ATG2B: variants seen among roughly 807,000 people sequenced by gnomAD.
ATG2B encodes autophagy-related protein 2 homolog B.
A neutral mutation model predicts 241.3 loss-of-function variants in ATG2B; 121 were observed. The ratio of observed to expected loss-of-function variants is 0.50; its 90% CI spans 0.43 to 0.58. The LOEUF (loss-of-function observed/expected upper bound fraction) is 0.58. ATG2B is among the 20% of genes least tolerant of loss of function. The probability of loss-of-function intolerance (pLI) is 0.00; values close to 1 mark genes in which losing one functional copy is unlikely to be tolerated. For missense variants in ATG2B, 2,306 were observed against 2,491.6 expected, an observed-to-expected ratio of 0.93 and a Z score of 1.59; for synonymous variants, 858 against 876.6, an observed-to-expected ratio of 0.98 and a Z score of 0.37.
At chr14:96,348,630 C>A (rs539775679) in intron 1 of ATG2B, among the ~76,000 whole-genome samples, 13 of 151,204 alleles carry the variant, frequency 8.6e-5, no homozygotes, top group Admixed American at 8.6e-4. Context: ...CTGCAGTGAG[C>A]CACTGCACTC....
chr14:96,313,673 T>G (rs1239073793), intron 23 of ATG2B, among the ~76,000 whole-genome samples: 2 of 142,704 alleles, frequency 1.4e-5, no homozygotes, highest in Non-Finnish European at 1.6e-5. Flanking sequence ...ATAGGCATTT[T>G]ACTATGCATA....
chr14:96,349,888 G>T (rs1888268320), intron 1 of ATG2B, among the ~76,000 whole-genome samples: 1 of 152,172 alleles, frequency 6.6e-6, no homozygotes, highest in African/African-American at 2.4e-5. Context: ...GGTCAGGTAT[G>T]GTGACTCACG....
intron 31 of ATG2B, 121 bp downstream of exon 31, chr14:96,305,468 A>C: frequency 1.6e-6 from 1 of 628,256 alleles, no homozygotes; most frequent in East Asian, 2.9e-5. Context: ...TTTATTAATA[A>C]TTCTTAAAAT....
At chr14:96,320,921 TG>T (rs1353142584) in intron 18 of ATG2B, among the ~76,000 whole-genome samples, 4 of 152,126 alleles carry the variant, frequency 2.6e-5, no homozygotes. Flanking sequence ...AAAACCAATT[TG>T]AAACCTCTCT....
Position 96,331,366 on chromosome 14 carries a change from G to T in ATG2B, c.1730+10C>A. ...TTTAAAGGATCATTAATACATATGTGAGAGTTTACCTAAGGTGATCGTGTG... is the reference window on the plus strand; with the variant it reads ...TTTAAAGGATCATTAATACATATGTTAGAGTTTACCTAAGGTGATCGTGTG... On this transcript the variant is annotated intron_variant, in intron 11 of 41. Transcript: ENST00000359933. 1.9e-6 allele frequency: 3 copies of T among 1,603,418 alleles called. No homozygotes were observed. The highest frequency in any genetic ancestry group is 2.6e-6 in the Non-Finnish European group (3 of 1,175,904).
In ATG2B at chr14:96,288,184, C is replaced by T. The variant is rs554869703; in HGVS notation, c.6006+1472G>A. On this transcript the variant is annotated intron_variant, in intron 41 of 41. Transcript: ENST00000359933. ...AAATACCCAGTTCCAATCCTGGCTC[C>T]ACTCCCTTTTCTCTGTGGTACTTGG... 7.2e-5 allele frequency among the ~76,000 whole-genome samples: 11 copies of T among 152,252 alleles called. No homozygotes were observed. The South Asian group carries it at 1.2e-3, about 17-fold the overall frequency.
rs1886412343 is a variant in ATG2B at position 96,289,039 on chromosome 14, C to G, written c.6006+617G>C. The stretch of plus-strand genomic sequence containing the variant: ...ATAAATAAATTATGATATATTCATA[C>G]AGTGAAATACCATAAAACTGTGGAA... On this transcript the variant is annotated intron_variant, in intron 41 of 41. Coordinates refer to ENST00000359933, the MANE Select transcript of ATG2B (RefSeq NM_018036.7). This position sits in a 1 kb window ranked among gnomAD's most constrained non-coding sequence, Gnocchi z 4.3. Among the ~76,000 whole-genome samples the G allele has an allele frequency of 6.6e-6, 1 of 152,096 alleles. No homozygotes were observed. The highest frequency in any genetic ancestry group is 1.5e-5 in the Non-Finnish European group (1 of 68,030).
chr14:96,305,561 A>G (rs778981779), intron 31 of ATG2B, 28 bp downstream of exon 31: 1 of 1,499,366 alleles, frequency 6.7e-7, no homozygotes, highest in Admixed American at 1.9e-5. Flanking sequence ...TTGGCCTCCC[A>G]AATAAACTTA....
At chr14:96,355,392 C>T (rs1184907256) in intron 1 of ATG2B, among the ~76,000 whole-genome samples, 7 of 152,148 alleles carry the variant, frequency 4.6e-5, no homozygotes, top group African/African-American at 1.7e-4. Context: ...GGAATCCTTT[C>T]CGCATTGCTT....
chr14:96,356,267 T>C (rs1309957965), intron 1 of ATG2B, among the ~76,000 whole-genome samples: 3 of 152,108 alleles, frequency 2.0e-5, no homozygotes, highest in African/African-American at 7.2e-5. Context: ...TATACCTACA[T>C]TTACACCTGC....
At chr14:96,297,976 G>C (rs1296384481) in intron 34 of ATG2B, among the ~76,000 whole-genome samples, 2 of 151,106 alleles carry the variant, frequency 1.3e-5, no homozygotes, top group African/African-American at 4.9e-5. Context: ...TCTATTTTTT[G>C]TAGAAACAAG....
chr14:96,362,788 G>T (rs1384945459), intron 1 of ATG2B, 27 bp downstream of exon 1: 26 of 1,583,240 alleles, frequency 1.6e-5, no homozygotes, highest in Non-Finnish European at 2.2e-5. Flanking sequence ...AGCGAGCCCC[G>T]CCCGGCTCGC....
At chr14:96,351,817 G>A (rs1274276093) in intron 1 of ATG2B, among the ~76,000 whole-genome samples, 4 of 148,692 alleles carry the variant, frequency 2.7e-5, no homozygotes, top group Non-Finnish European at 4.4e-5. Context: ...GGGGATAATC[G>A]CTTGATCCCA....
chr14:96,352,176 G>A (rs1888342615), intron 1 of ATG2B, among the ~76,000 whole-genome samples: 1 of 152,146 alleles, frequency 6.6e-6, no homozygotes, highest in African/African-American at 2.4e-5. Flanking sequence ...GCCATCATAA[G>A]GCAATGTAGC....
chr14:96,292,113 AGGAG>A lies in ATG2B; in HGVS notation c.5427-19_5427-16del, dbSNP rs757962131. ...ATCTAAATTCTCTGAAGATAAAGGA[AGGAG>A]GGAGTTATTTACATTTACAATTACT... is the stretch of plus-strand genomic sequence containing the variant. On this transcript the variant is annotated splice_polypyrimidine_tract_variant and intron_variant, in intron 36 of 41. Coordinates refer to ENST00000359933, the MANE Select transcript of ATG2B (RefSeq NM_018036.7). The A allele has an allele frequency of 2.6e-6, 4 of 1,550,042 alleles. No individual in the cohort carries two copies. The highest frequency in any genetic ancestry group is 2.4e-5 in the South Asian group (2 of 83,876).
At chr14:96,310,438 T>C (rs1887118771) in intron 28 of ATG2B, among the ~76,000 whole-genome samples, 1 of 152,014 alleles carries the variant, frequency 6.6e-6, no homozygotes, top group South Asian at 2.1e-4. Flanking sequence ...CCACAAAGAA[T>C]AACAATGAAA....
At chr14:96,357,568 A>G (rs1888511942) in intron 1 of ATG2B, among the ~76,000 whole-genome samples, 1 of 152,188 alleles carries the variant, frequency 6.6e-6, no homozygotes, top group African/African-American at 2.4e-5. Context: ...CCAACTCCAG[A>G]CAGTGGAGAA....
In ATG2B at chr14:96,305,085, C is replaced by T. The variant is rs148224556; in HGVS notation, c.4734-482G>A. Among the ~76,000 whole-genome samples the T allele has an allele frequency of 4.0e-3, 607 of 152,218 alleles. 25 individuals carry two copies. In the South Asian group the frequency reaches 0.062, roughly 16 times the overall value. On this transcript the variant is annotated intron_variant, in intron 31 of 41. Transcript: ENST00000359933. ...CTCCACGCAGCCTCCATGCCATGCCCCACCTCAATAAGGAAGTCTGCCCCC... is the reference window on the plus strand; with the variant it reads ...CTCCACGCAGCCTCCATGCCATGCCTCACCTCAATAAGGAAGTCTGCCCCC...
chr14:96,321,126 A>C (rs1887446576), intron 18 of ATG2B, among the ~76,000 whole-genome samples: 1 of 152,140 alleles, frequency 6.6e-6, no homozygotes, highest in African/African-American at 2.4e-5. Context: ...AGAATCCTGG[A>C]ACTTAATTTT....
Sources: allele counts gnomAD v4.1 joint callset (sites outside exome capture counted in the v4.1 genomes callset), GRCh38; gene constraint gnomAD v4.1.1; non-coding constraint Gnocchi (gnomAD v3.1); transcripts MANE v1.5; gene names NCBI Gene and HGNC (gene_info 2026-07-23, HGNC 2026-07-21).